The following IDH3A variants were observed in gnomAD, a reference collection of about 807,000 sequenced individuals.
IDH3A encodes isocitrate dehydrogenase (NAD(+)) 3 catalytic subunit alpha.
A neutral mutation model predicts 43.3 loss-of-function variants in IDH3A; 23 were observed. The observed-to-expected ratio is 0.53, with a 90% CI of 0.38 to 0.75. IDH3A has a LOEUF of 0.75. Among genes scored for constraint, IDH3A ranks in the 30% least tolerant of loss-of-function variants. The pLI is 0.00. For missense variants in IDH3A, 329 were observed against 474.4 expected (o/e 0.69, Z 2.85); for synonymous variants, 154 against 163.5 (o/e 0.94, Z 0.44).
intron 1 of IDH3A, chr15:78,154,358 T>C (rs928137137): frequency 6.6e-6 from 1 of 152,204 alleles, no homozygotes; most frequent in Non-Finnish European, 1.5e-5. Context: ...CTTTATTCTG[T>C]ATGGCATGGG....
chr15:78,166,401 G>A (rs932650809), intron 10 of IDH3A, 99 bp downstream of exon 10: 111 of 1,245,746 alleles, frequency 8.9e-5, no homozygotes, highest in Non-Finnish European at 1.9e-5. Flanking sequence ...GTTCTCAGGC[G>A]GGCCCAAGCA....
chr15:78,152,357 C>CTTT (rs33914139), intron 1 of IDH3A, among the ~76,000 whole-genome samples: 47 of 80,708 alleles, frequency 5.8e-4, no homozygotes, highest in African/African-American at 1.7e-3. Context: ...TGCGCCCGGC[C>CTTT]TTTTTTTTTT....
In IDH3A at chr15:78,165,023, G is replaced by C; in HGVS notation, c.811G>C (p.Gly271Arg). Residue 271 changes from glycine to arginine, a missense_variant, in exon 9 of 11, where the codon GGT (glycine) becomes CGT (arginine). By Grantham distance (125) the Gly-to-Arg change is moderately radical. This residue lies in a region of IDH3A where 212 missense variants were observed against 345.5 expected (regional missense o/e 0.61). Transcript: ENST00000299518. ...GTGTGCAGGATTGATCGGAGGTCTC[G>C]GTGTGACACCAAGTGGCAACATTGG... ...DLCAGLIGGLGVTPSGNIGAN... is the reference protein window; with the variant it reads ...DLCAGLIGGLRVTPSGNIGAN... The C allele has an allele frequency of 6.2e-7, 1 of 1,613,728 alleles. No individual in the cohort carries two copies. Among genetic ancestry groups the C allele is most frequent in the Non-Finnish European group, 8.5e-7 (1 of 1,179,846 alleles).
At chr15:78,164,800 G>C (rs1320286263) in intron 8 of IDH3A, among the ~76,000 whole-genome samples, 192 bp from the exon 9 acceptor site, 1 of 152,094 alleles carries the variant, frequency 6.6e-6, no homozygotes, top group Non-Finnish European at 1.5e-5. Flanking sequence ...TTTGAGCCTT[G>C]CCTTGCTTTC....
chr15:78,168,359 T>G (rs2074775441), intron 10 of IDH3A: 1 of 152,064 alleles, frequency 6.6e-6, no homozygotes, highest in Admixed American at 6.6e-5. Context: ...TATGGTGGCA[T>G]GCACTTGTAA....
chr15:78,162,128 C>A, intron 5 of IDH3A, 106 bp from the exon 6 acceptor site: 1 of 1,147,432 alleles, frequency 8.7e-7, no homozygotes, highest in Admixed American at 1.8e-5. Context: ...TGCTAGCTGG[C>A]ACTGTGCAGG....
intron 2 of IDH3A, 88 bp downstream of exon 2, chr15:78,155,363 C>T: frequency 1.1e-6 from 1 of 874,296 alleles, no homozygotes; most frequent in Non-Finnish European, 1.8e-6. Flanking sequence ...CATTTTATCT[C>T]CATTCATTTA....
chr15:78,167,142 A>G (rs2074753389), intron 10 of IDH3A, among the ~76,000 whole-genome samples: 1 of 152,262 alleles, frequency 6.6e-6, no homozygotes, highest in African/African-American at 2.4e-5. Context: ...CAAAAGCAAT[A>G]CAGAAGTTTT....
At chr15:78,149,691 G>A (rs1056190402) in intron 1 of IDH3A, among the ~76,000 whole-genome samples, 16 of 152,202 alleles carry the variant, frequency 1.1e-4, no homozygotes, top group Non-Finnish European at 2.1e-4. Context: ...CGCCGGCCCT[G>A]CTCCTGCCGA....
chr15:78,150,168 G>C (rs1033519152), intron 1 of IDH3A, among the ~76,000 whole-genome samples: 2 of 152,216 alleles, frequency 1.3e-5, no homozygotes, highest in African/African-American at 4.8e-5. Flanking sequence ...CTCCTTGACA[G>C]CTCAGATGCC....
rs778868128 is a variant in IDH3A, at chr15:78,171,474, AATG to A, written c.*2472_*2474del. The A allele has an allele frequency of 6.2e-7, 1 of 1,614,204 alleles. No homozygotes were observed. Among genetic ancestry groups the A allele is most frequent in the South Asian group, 1.1e-5 (1 of 91,080 alleles). ...TTTTTTGCTCTTGGTAAAAGGAGTC[AATG>A]ATACCTTTGTACTTCTCCAAAACTG... On this transcript the variant is annotated 3_prime_UTR_variant, in exon 11 of 11. Transcript: ENST00000299518.
chr15:78,152,652 A>C lies in IDH3A; in HGVS notation c.28-2561A>C, dbSNP rs183665407. Among the ~76,000 whole-genome samples the C allele has an allele frequency of 1.6e-3, 244 of 152,156 alleles. 3 individuals are homozygous for C. The highest frequency in any genetic ancestry group is 5.4e-4 in the Non-Finnish European group (37 of 68,006). ...TGGGATTACAGGCGTGAGCCACCGCATCCGGCCTCATGTCACTTTTATGCT... is the reference window on the plus strand; with the variant it reads ...TGGGATTACAGGCGTGAGCCACCGCCTCCGGCCTCATGTCACTTTTATGCT... On this transcript the variant is annotated intron_variant, in intron 1 of 10. Coordinates refer to ENST00000299518, the MANE Select transcript of IDH3A (RefSeq NM_005530.3).
At chr15:78,155,441 T>G in intron 2 of IDH3A, 166 bp downstream of exon 2, 1 of 508,816 alleles carries the variant, frequency 2.0e-6, no homozygotes. Context: ...ACAAATCTGT[T>G]AGGTTACTTG....
chr15:78,165,422 C>T (rs1032875121), intron 9 of IDH3A, among the ~76,000 whole-genome samples: 1 of 152,022 alleles, frequency 6.6e-6, no homozygotes, highest in African/African-American at 2.4e-5. Context: ...AACTCCTGAT[C>T]TCAGATGATC....
rs570041705 is a variant in IDH3A, at chr15:78,151,865, G to A, written c.27+2435G>A. On this transcript the variant is annotated intron_variant, in intron 1 of 10. Coordinates refer to ENST00000299518, the MANE Select transcript of IDH3A (RefSeq NM_005530.3). ...TCCTGCCATCTCAGCCTTCCATGAA[G>A]CTGGGACTACTGGTGTGTGCCACCA... Among the ~76,000 whole-genome samples the A allele has an allele frequency of 5.3e-5, 8 of 152,084 alleles. No homozygotes were observed. In the South Asian group the frequency reaches 1.7e-3, roughly 32 times the overall value.
At position 78,161,993 on chromosome 15, in the gene IDH3A, C is replaced by G. The variant is rs796268471; in HGVS notation, c.477+225C>G. ...GAATCCCCCACTTCACAGGTGCGCT[C>G]TTCCGCAGATGACTGTCTCTGCATC... is the stretch of plus-strand genomic sequence containing the variant. On this transcript the variant is annotated intron_variant, in intron 5 of 10. Coordinates refer to ENST00000299518, the MANE Select transcript of IDH3A (RefSeq NM_005530.3). This position sits in a 1 kb window ranked among gnomAD's most constrained non-coding sequence, Gnocchi z 4.8. 3.3e-5 allele frequency among the ~76,000 whole-genome samples: 5 copies of G among 152,320 alleles called. No individual in the cohort carries two copies. Among genetic ancestry groups the G allele is most frequent in the African/African-American group, 1.2e-4 (5 of 41,550 alleles).
chr15:78,169,811 C>A lies in IDH3A; in HGVS notation c.*806C>A, dbSNP rs2074796808. 1 of 152,224 alleles carries A rather than the reference C, an allele frequency of 6.6e-6. No individual in the cohort carries two copies. The highest frequency in any genetic ancestry group is 1.5e-5 in the Non-Finnish European group (1 of 68,046). The allele number at this position is 152,224 out of a possible 1,614,324, so 9.4% of individuals were successfully genotyped here. On this transcript the variant is annotated 3_prime_UTR_variant, in exon 11 of 11. Transcript: ENST00000299518. ...ATGAGTTGTCACAGCCTCTGAGCCC[C>A]TGATCTGAAGCCAGAAGGGCTGAGT... is the stretch of plus-strand genomic sequence containing the variant.
rs547348170 is a variant in IDH3A at position 78,153,844 on chromosome 15, C to T, written c.28-1369C>T. Reference sequence around the variant, plus strand: ...GACCAGCCGGGCCAACATGGAGAAACCCTGTCTCTACTAAAAATACAACAA... The same window carrying T: ...GACCAGCCGGGCCAACATGGAGAAATCCTGTCTCTACTAAAAATACAACAA... On this transcript the variant is annotated intron_variant, in intron 1 of 10. Transcript: ENST00000299518. Among the ~76,000 whole-genome samples, 13 of 152,144 alleles carry T rather than the reference C, an allele frequency of 8.5e-5. No individual in the cohort carries two copies. In the East Asian group the frequency reaches 2.5e-3, roughly 29 times the overall value.
chr15:78,163,566 A>T lies in IDH3A; in HGVS notation c.671A>T (p.Asp224Val), dbSNP rs1259428371. The T allele has an allele frequency of 6.2e-7, 1 of 1,613,076 alleles. No individual in the cohort carries two copies. The highest frequency in any genetic ancestry group is 1.7e-5 in the Admixed American group (1 of 59,998). Reference protein sequence around the residue: ...KCREVAESCKDIKFNEMYLDT... With the variant: ...KCREVAESCKVIKFNEMYLDT... The stretch of plus-strand genomic sequence containing the variant: ...AGGGAAGTTGCAGAAAGCTGTAAAG[A>T]TATTAAATTTAATGAGATGTACCTT... Residue 224 changes from aspartate (D) to valine (V), a missense_variant, in exon 7 of 11, where the codon GAT (aspartate) becomes GTT (valine). By Grantham distance (152) the Asp-to-Val change is radical. Transcript: ENST00000299518.
Sources: allele counts gnomAD v4.1 joint callset (sites outside exome capture counted in the v4.1 genomes callset), GRCh38; gene constraint gnomAD v4.1.1; regional missense constraint gnomAD v4.1.1; non-coding constraint Gnocchi (gnomAD v3.1); transcripts MANE v1.5; gene names NCBI Gene and HGNC (gene_info 2026-07-23, HGNC 2026-07-21).